PSMA1: variants seen among roughly 807,000 people sequenced by gnomAD.
The protein encoded by PSMA1 is proteasome subunit alpha type-1.
In PSMA1, 3 loss-of-function variants were observed where a neutral mutation model predicts 38.4. The observed-to-expected ratio is 0.08, with a 90% CI of 0.04 to 0.20. The LOEUF is 0.20. Among genes scored for constraint, PSMA1 ranks in the 10% least tolerant of loss-of-function variants. The pLI is 1.00. For synonymous variants in PSMA1, 101 were observed against 107.1 expected (o/e 0.94, Z 0.35); for missense variants, 227 against 325.3 (o/e 0.70, Z 2.32).
At chr11:14,551,165 T>G (rs1391836112) in intron 2 of PSMA1, among the ~76,000 whole-genome samples, 1 of 152,224 alleles carries the variant, frequency 6.6e-6, no homozygotes, top group Non-Finnish European at 1.5e-5. Context: ...TTTTGATGTA[T>G]AATTATTTTT....
chr11:14,509,109 T>C (rs1851298151), intron 8 of PSMA1, among the ~76,000 whole-genome samples: 1 of 152,200 alleles, frequency 6.6e-6, no homozygotes, highest in Admixed American at 6.5e-5. Flanking sequence ...ACGTGTTGCT[T>C]ATAACTGCTT....
chr11:14,506,146 T>TG (rs1316048657), intron 9 of PSMA1, among the ~76,000 whole-genome samples: 2 of 152,330 alleles, frequency 1.3e-5, no homozygotes, highest in Non-Finnish European at 2.9e-5. Context: ...TCAACCATGC[T>TG]GGGGTTTGGC....
chr11:14,615,413 T>C (rs1852760190), intron 1 of PSMA1, among the ~76,000 whole-genome samples: 1 of 152,196 alleles, frequency 6.6e-6, no homozygotes, highest in Non-Finnish European at 1.5e-5. Flanking sequence ...TGGGACACGC[T>C]GAAAGAAACT....
intron 2 of PSMA1, among the ~76,000 whole-genome samples, chr11:14,562,496 C>A (rs1852021086): frequency 6.6e-6 from 1 of 152,220 alleles, no homozygotes; most frequent in Non-Finnish European, 1.5e-5. Flanking sequence ...ACAGCTCCTT[C>A]AATTTCAATG....
At position 14,504,964 on chromosome 11, in the gene PSMA1, AC is replaced by A. The variant is rs1851220967; in HGVS notation, c.*227del. The A allele has an allele frequency of 2.0e-6, 1 of 506,904 alleles. No individual in the cohort carries two copies. Among genetic ancestry groups the A allele is most frequent in the Admixed American group, 3.3e-5 (1 of 30,276 alleles). The allele number at this position is 506,904 out of a possible 1,614,324, so 31.4% of individuals were successfully genotyped here. On this transcript the variant is annotated 3_prime_UTR_variant, in exon 10 of 10. Transcript: ENST00000396394. ...TTCATATAAAAACATTAGTATAGATACCCATACTTTCTAGAAAATGATTATA... is the reference window on the plus strand; with the variant it reads ...TTCATATAAAAACATTAGTATAGATACCATACTTTCTAGAAAATGATTATA...
At chr11:14,643,065 C>A (rs574005626) in intron 1 of PSMA1, among the ~76,000 whole-genome samples, 1 of 151,908 alleles carries the variant, frequency 6.6e-6, no homozygotes, top group African/African-American at 2.4e-5. Context: ...GACGTTAGTT[C>A]TTCGCCTGTG....
At chr11:14,609,477 T>C (rs1852683055) in intron 2 of PSMA1, among the ~76,000 whole-genome samples, 1 of 152,090 alleles carries the variant, frequency 6.6e-6, no homozygotes, top group South Asian at 2.1e-4. Context: ...ATTTAACATA[T>C]TAGTGACATG....
intron 2 of PSMA1, among the ~76,000 whole-genome samples, chr11:14,603,954 ACT>A (rs1298971360): frequency 1.3e-5 from 2 of 152,164 alleles, no homozygotes; most frequent in Non-Finnish European, 2.9e-5. Context: ...CTGATGCTTA[ACT>A]CTCTTTTGAG....
chr11:14,597,552 C>G (rs1304219041), intron 2 of PSMA1, among the ~76,000 whole-genome samples: 7 of 152,184 alleles, frequency 4.6e-5, no homozygotes, highest in Non-Finnish European at 1.0e-4. Context: ...ATAGCATTCT[C>G]TGATGGTAGT....
intron 2 of PSMA1, among the ~76,000 whole-genome samples, chr11:14,569,644 G>A (rs752624347): frequency 1.2e-4 from 19 of 152,148 alleles, no homozygotes; most frequent in South Asian, 2.1e-4. Flanking sequence ...ACGGCAAGGC[G>A]GCAGCAAGGC....
chr11:14,587,478 C>T (rs1852361486), intron 2 of PSMA1, among the ~76,000 whole-genome samples: 1 of 152,212 alleles, frequency 6.6e-6, no homozygotes, highest in African/African-American at 2.4e-5. Context: ...CCCAATTTTG[C>T]TAATCTGTGA....
intron 2 of PSMA1, among the ~76,000 whole-genome samples, chr11:14,597,204 A>C (rs968846271): frequency 6.6e-6 from 1 of 151,998 alleles, no homozygotes; most frequent in African/African-American, 2.4e-5. Context: ...GTCTAAAATT[A>C]CTTTTTTTGT....
intron 2 of PSMA1, among the ~76,000 whole-genome samples, chr11:14,562,232 T>G (rs1018357289): frequency 5.9e-5 from 9 of 152,074 alleles, no homozygotes; most frequent in Admixed American, 2.6e-4. Context: ...ATGAAGAGAG[T>G]TGCCATGGTT....
At chr11:14,604,629 G>A (rs760437819) in intron 2 of PSMA1, among the ~76,000 whole-genome samples, 2 of 152,154 alleles carry the variant, frequency 1.3e-5, no homozygotes, top group Admixed American at 6.5e-5. Context: ...TATATTATGT[G>A]ATGCTGAGGT....
intron 2 of PSMA1, among the ~76,000 whole-genome samples, chr11:14,548,461 T>C (rs1851851882): frequency 6.6e-6 from 1 of 152,194 alleles, no homozygotes. Context: ...CATACATATG[T>C]ATGTATATAT....
intron 1 of PSMA1, among the ~76,000 whole-genome samples, chr11:14,638,012 T>C (rs1853131918): frequency 6.6e-6 from 1 of 152,242 alleles, no homozygotes; most frequent in African/African-American, 2.4e-5. Flanking sequence ...TTACATTTAC[T>C]AAGCATCTAC....
intron 2 of PSMA1, 112 bp from the exon 3 acceptor site, chr11:14,518,093 T>TA (rs112169102): frequency 1.2e-4 from 89 of 728,980 alleles, no homozygotes; most frequent in Middle Eastern, 4.1e-4. Context: ...ATTTTTTTTT[T>TA]AATCAAGAGA....
intron 2 of PSMA1, among the ~76,000 whole-genome samples, chr11:14,574,204 G>A (rs961497191): frequency 4.6e-5 from 7 of 152,150 alleles, no homozygotes; most frequent in Non-Finnish European, 1.0e-4. Context: ...CAAGACAATG[G>A]GAAAAAGACC....
chr11:14,573,063 C>A (rs1852165997), intron 2 of PSMA1, among the ~76,000 whole-genome samples: 1 of 152,260 alleles, frequency 6.6e-6, no homozygotes, highest in African/African-American at 2.4e-5. Flanking sequence ...CAGATGGATT[C>A]ACAGCCGAAT....
Sources: gnomAD v4.1 joint callset for allele counts (sites outside exome capture counted in the v4.1 genomes callset) on GRCh38, gnomAD v4.1.1 for gene constraint, MANE v1.5 for transcripts, NCBI Gene and HGNC (gene_info 2026-07-23, HGNC 2026-07-21) for gene names.